The following UQCC1 variants were observed in gnomAD, a reference collection of about 807,000 sequenced individuals.
The protein encoded by UQCC1 is ubiquinol-cytochrome c reductase complex assembly factor 1, also known as bFGF-repressed Zic-binding protein.
Under a neutral mutation model 48.0 loss-of-function variants are expected in UQCC1, and 38 were observed. The observed-to-expected ratio is 0.79, with a 90% CI of 0.61 to 1.04. UQCC1 has a LOEUF of 1.04. UQCC1 is among the 50% of genes least tolerant of loss of function. The pLI, the probability that UQCC1 is intolerant of heterozygous loss-of-function variation, is 0.00. For missense variants in UQCC1, 368 were observed against 381.8 expected, an observed-to-expected ratio of 0.96 and a Z score of 0.30; for synonymous variants, 111 against 129.2, an observed-to-expected ratio of 0.86 and a Z score of 0.95.
intron 2 of UQCC1, among the ~76,000 whole-genome samples, chr20:35,390,556 TTAACA>T (rs1367172182): frequency 2.6e-5 from 4 of 152,074 alleles, no homozygotes; most frequent in Non-Finnish European, 5.9e-5. Flanking sequence ...TATGCTTAAA[TTAACA>T]TTACTGAACT....
intron 2 of UQCC1, among the ~76,000 whole-genome samples, chr20:35,388,046 T>C (rs1408486171): frequency 6.6e-6 from 1 of 151,894 alleles, no homozygotes; most frequent in Non-Finnish European, 1.5e-5. Context: ...GGTGGCATGA[T>C]CTCGGCTCAC....
chr20:35,337,516 C>T (rs537288040), intron 7 of UQCC1, among the ~76,000 whole-genome samples: 5 of 152,220 alleles, frequency 3.3e-5, no homozygotes, highest in East Asian at 3.9e-4. Flanking sequence ...AGTTCCCAAG[C>T]GATGCTGAGG....
intron 6 of UQCC1, among the ~76,000 whole-genome samples, chr20:35,358,835 C>T (rs1370130886): frequency 6.6e-6 from 1 of 152,182 alleles, no homozygotes; most frequent in Non-Finnish European, 1.5e-5. Flanking sequence ...GCTGGGATTA[C>T]AGGCGTGAGC....
At chr20:35,335,649 T>A (rs1377393808) in intron 7 of UQCC1, among the ~76,000 whole-genome samples, 1 of 152,120 alleles carries the variant, frequency 6.6e-6, no homozygotes, top group Non-Finnish European at 1.5e-5. Context: ...TGTAGAATAG[T>A]GGTTTCCAGG....
chr20:35,387,821 C>A (rs1035186760), intron 2 of UQCC1, among the ~76,000 whole-genome samples: 4 of 147,612 alleles, frequency 2.7e-5, no homozygotes, highest in Non-Finnish European at 6.0e-5. Context: ...TTTTAAGTTT[C>A]ATTTCATACA....
intron 6 of UQCC1, among the ~76,000 whole-genome samples, chr20:35,365,440 A>G (rs2061655184): frequency 6.6e-6 from 1 of 152,126 alleles, no homozygotes; most frequent in Non-Finnish European, 1.5e-5. Context: ...GGATCACTTG[A>G]GGTCAGGAGA....
In UQCC1 at chr20:35,353,635, C is replaced by G. The variant is rs985967253; in HGVS notation, c.465-6363G>C. The stretch of plus-strand genomic sequence containing the variant: ...GTAAGACCCCACCTCTACAAAAAAA[C>G]GTAAAAATTAGCCAAATGTGGTGGT... On this transcript the variant is annotated intron_variant, in intron 6 of 9. Coordinates refer to ENST00000374385, the MANE Select transcript of UQCC1 (RefSeq NM_018244.5). Among the ~76,000 whole-genome samples, 3 of 151,826 alleles carry G rather than the reference C, an allele frequency of 2.0e-5. No individual in the cohort carries two copies. In the East Asian group the frequency reaches 5.8e-4, roughly 30 times the overall value.
rs556383712 is a variant in UQCC1 at position 35,303,122 on chromosome 20, T to A, written c.*813A>T. Reference sequence around the variant, plus strand: ...ATGTTCTCTTCTCCCCAGTATCTCATGAAAGGGGAGGCCAAGACAGGAGAC... The same window carrying A: ...ATGTTCTCTTCTCCCCAGTATCTCAAGAAAGGGGAGGCCAAGACAGGAGAC... On this transcript the variant is annotated 3_prime_UTR_variant, in exon 10 of 10. Transcript: ENST00000374385. 1 of 152,252 alleles carries A rather than the reference T, an allele frequency of 6.6e-6. No individual in the cohort carries two copies. Among genetic ancestry groups the A allele is most frequent in the African/African-American group, 2.4e-5 (1 of 41,542 alleles). 9.4% of individuals were successfully genotyped at this position (152,252 alleles called of 1,614,324 possible). A position where few individuals can be genotyped will look rare whatever the true frequency, so the allele number is the denominator to read the frequency against.
chr20:35,352,111 A>G (rs2146401444), intron 6 of UQCC1, among the ~76,000 whole-genome samples: 1 of 152,378 alleles, frequency 6.6e-6, no homozygotes, highest in African/African-American at 2.4e-5. Context: ...GAATCAGAGA[A>G]AGCTTCATGG....
At chr20:35,313,332 C>T (rs957345984) in intron 8 of UQCC1, among the ~76,000 whole-genome samples, 3 of 141,078 alleles carry the variant, frequency 2.1e-5, no homozygotes, top group Non-Finnish European at 3.0e-5. Context: ...GTAGAGATCG[C>T]GCCACTGCAC....
chr20:35,304,045 CG>C lies in UQCC1; in HGVS notation c.789del (p.Asn263LysfsTer7). 2 of 1,614,128 alleles carry C rather than the reference CG, an allele frequency of 1.2e-6. No homozygotes were observed. Among genetic ancestry groups the C allele is most frequent in the Non-Finnish European group, 1.7e-6 (2 of 1,179,992 alleles). Reference sequence around the variant, plus strand: ...TCCCCTGTCAGAAGCAGATCCTCCCCGTTCATGGAGTCCAGGTACTGTATCT... The same window carrying C: ...TCCCCTGTCAGAAGCAGATCCTCCCCTTCATGGAGTCCAGGTACTGTATCT... ...RKQIQYLDSM[N>X]GEDLLLTGEV... On this transcript the variant is annotated frameshift_variant, in exon 10 of 10. Transcript: ENST00000374385. LOFTEE classifies it high-confidence loss of function.
intron 1 of UQCC1, chr20:35,409,377 G>A (rs2062306534): frequency 6.4e-6 from 1 of 156,432 alleles, no homozygotes; most frequent in Admixed American, 6.4e-5. Context: ...GGCTGAGGCA[G>A]GAGAATCGCT....
At chr20:35,397,144 A>G (rs1275852586) in intron 1 of UQCC1, among the ~76,000 whole-genome samples, 1 of 150,234 alleles carries the variant, frequency 6.7e-6, no homozygotes, top group East Asian at 2.0e-4. Flanking sequence ...GTTGCAAGTG[A>G]GCAGAGATTG....
intron 6 of UQCC1, among the ~76,000 whole-genome samples, chr20:35,362,719 C>A (rs541494948): frequency 6.6e-6 from 1 of 151,598 alleles, no homozygotes; most frequent in Admixed American, 6.6e-5. Flanking sequence ...CATGTGTGTG[C>A]GTGTGTGTGT....
chr20:35,304,927 C>T (rs994078772), intron 9 of UQCC1, among the ~76,000 whole-genome samples: 16 of 152,144 alleles, frequency 1.1e-4, no homozygotes, highest in Admixed American at 6.5e-5. Flanking sequence ...CCCTAAAGCC[C>T]ACTCCTCCCT....
chr20:35,382,133 G>T (rs1255199333), intron 3 of UQCC1, 108 bp from the exon 4 acceptor site: 5 of 632,392 alleles, frequency 7.9e-6, no homozygotes, highest in Non-Finnish European at 1.4e-5. Flanking sequence ...TACAGTCAGG[G>T]TCTCCTCCCC....
intron 6 of UQCC1, among the ~76,000 whole-genome samples, chr20:35,349,825 C>T (rs1344481671): frequency 3.3e-5 from 5 of 152,048 alleles, no homozygotes; most frequent in African/African-American, 4.8e-5. Flanking sequence ...AGTTGGACCC[C>T]GATTCTACAA....
intron 7 of UQCC1, among the ~76,000 whole-genome samples, chr20:35,341,218 C>CAAAAA (rs61675932): frequency 6.9e-5 from 8 of 115,802 alleles, no homozygotes; most frequent in African/African-American, 2.8e-4. Context: ...GAGACTCCGT[C>CAAAAA]AAAAAAAAAA....
intron 1 of UQCC1, among the ~76,000 whole-genome samples, chr20:35,397,211 G>GAAAAAAAAAAAAAAA (rs1192775264): frequency 8.1e-6 from 1 of 122,844 alleles, no homozygotes. Context: ...AAAAAAAAAA[G>GAAAAAAAAAAAAAAA]AAAAAAAAAA....
Sources: allele counts gnomAD v4.1 joint callset (sites outside exome capture counted in the v4.1 genomes callset), GRCh38; gene constraint gnomAD v4.1.1; transcripts MANE v1.5; gene names NCBI Gene and HGNC (gene_info 2026-07-23, HGNC 2026-07-21).